The following UTS2B variants were observed in gnomAD, a reference collection of about 807,000 sequenced individuals.
UTS2B encodes the protein urotensin-2B.
UTS2B carries 21 observed loss-of-function variants against 19.2 expected under a neutral mutation model. The ratio of observed to expected loss-of-function variants is 1.09; its 90% CI spans 0.78 to 1.58. UTS2B has a LOEUF of 1.58. UTS2B is among the 40% of genes most tolerant of loss of function. The probability of loss-of-function intolerance (pLI) is 0.00; values close to 1 mark genes in which losing one functional copy is unlikely to be tolerated. For synonymous variants in UTS2B, 57 were observed against 50.2 expected (o/e 1.14, Z -0.58); for missense variants, 138 against 130.3 (o/e 1.06, Z -0.29).
rs1295095128 is a variant in UTS2B, at chr3:191,318,804, T to C, written c.-585-2365A>G. On this transcript the variant is annotated intron_variant, in intron 2 of 8. Coordinates refer to ENST00000340524, the MANE Select transcript of UTS2B (RefSeq NM_198152.5). ...TTTAATTAAGATTTCCCTCCATACA[T>C]AGTTGTTTTTTGTTTTTGTTTTTGT... Among the ~76,000 whole-genome samples the C allele has an allele frequency of 2.0e-5, 3 of 152,190 alleles. No homozygotes were observed. The East Asian group carries it at 5.8e-4, about 29-fold the overall frequency.
chr3:191,302,443 G>A (rs1159005343), intron 4 of UTS2B, among the ~76,000 whole-genome samples: 1 of 152,160 alleles, frequency 6.6e-6, no homozygotes, highest in Non-Finnish European at 1.5e-5. Context: ...AGCCATACTT[G>A]TATTCCTTTA....
In UTS2B at chr3:191,277,932, A is replaced by G. The variant is rs188256438; in HGVS notation, c.202+140T>C. The G allele has an allele frequency of 2.5e-5, 12 of 485,586 alleles. No individual in the cohort carries two copies. In the East Asian group the frequency reaches 4.4e-4, roughly 18 times the overall value. The allele number at this position is 485,586 out of a possible 1,614,324, so 30.1% of individuals were successfully genotyped here. On this transcript the variant is annotated intron_variant, in intron 6 of 8. Transcript: ENST00000340524. ...ATTTAACATAAATATAAAACAAAAA[A>G]ATCACTTAAATCTTTAGTGTAGCAT...
intron 4 of UTS2B, among the ~76,000 whole-genome samples, chr3:191,291,352 A>C (rs1270091134): frequency 6.6e-6 from 1 of 152,142 alleles, no homozygotes; most frequent in Non-Finnish European, 1.5e-5. Context: ...CTTGTTTTTG[A>C]GTACTATAAG....
chr3:191,326,228 T>C (rs953812069), intron 2 of UTS2B, among the ~76,000 whole-genome samples: 5 of 152,218 alleles, frequency 3.3e-5, no homozygotes, highest in African/African-American at 9.6e-5. Context: ...TATTTATTTA[T>C]GCAACAAATA....
chr3:191,327,237 T>G (rs1717767784), intron 2 of UTS2B, among the ~76,000 whole-genome samples: 2 of 152,320 alleles, frequency 1.3e-5, no homozygotes, highest in African/African-American at 2.4e-5. Flanking sequence ...GGCTCGTGCC[T>G]GTAATCCCAG....
At chr3:191,317,682 G>A (rs1454554810) in intron 2 of UTS2B, among the ~76,000 whole-genome samples, 1 of 152,088 alleles carries the variant, frequency 6.6e-6, no homozygotes, top group African/African-American at 2.4e-5. Context: ...TGGTTAATGC[G>A]ATTCTCCTTA....
intron 3 of UTS2B, among the ~76,000 whole-genome samples, chr3:191,311,342 G>A (rs879485405): frequency 6.6e-6 from 1 of 152,164 alleles, no homozygotes; most frequent in Non-Finnish European, 1.5e-5. Flanking sequence ...TCAATCAATA[G>A]GACCTAGGGC....
chr3:191,331,907 G>A (rs1380138698), upstream of UTS2B, among the ~76,000 whole-genome samples: 1 of 152,188 alleles, frequency 6.6e-6, no homozygotes, highest in Non-Finnish European at 1.5e-5. Context: ...AGGGTTAGTA[G>A]TAGTAATTAG....
chr3:191,340,842 C>A, the UTS2B span, among the ~76,000 whole-genome samples: 1,325 of 152,194 alleles, frequency 8.7e-3, 21 homozygotes, highest in African/African-American at 0.03. Context: ...GATTCTATTT[C>A]TTTTTCTTCT....
At chr3:191,268,759 T>C (rs1716009902) in intron 8 of UTS2B, among the ~76,000 whole-genome samples, 1 of 152,208 alleles carries the variant, frequency 6.6e-6, no homozygotes, top group African/African-American at 2.4e-5. Context: ...TTATAATACA[T>C]ATAATACAGT....
intron 8 of UTS2B, among the ~76,000 whole-genome samples, chr3:191,270,313 C>G (rs964128412): frequency 3.0e-4 from 46 of 152,160 alleles, no homozygotes; most frequent in African/African-American, 1.1e-3. Flanking sequence ...CCTCCAGTCT[C>G]AATCTCATGA....
At chr3:191,269,268 T>C (rs1716023243) in intron 8 of UTS2B, among the ~76,000 whole-genome samples, 1 of 152,186 alleles carries the variant, frequency 6.6e-6, no homozygotes, top group South Asian at 2.1e-4. Flanking sequence ...AAATGAATGA[T>C]AAATTTCTAT....
At chr3:191,329,793 G>C (rs1290050266) in intron 1 of UTS2B, 3 of 1,532,266 alleles carry the variant, frequency 2.0e-6, no homozygotes, top group Non-Finnish European at 2.7e-6. Flanking sequence ...CAGGTCAGGG[G>C]CGTTGCCATT....
intron 8 of UTS2B, 22 bp from the exon 9 acceptor site, chr3:191,268,463 A>AT: frequency 2.0e-6 from 3 of 1,511,754 alleles, no homozygotes; most frequent in East Asian, 2.3e-5. Context: ...AACAAAATAC[A>AT]TTTTTTATTA....
In UTS2B at chr3:191,275,288, C is replaced by T. The variant is rs766158669; in HGVS notation, c.298G>A (p.Val100Ile). The T allele has an allele frequency of 5.6e-6, 9 of 1,613,508 alleles. No homozygotes were observed. In the African/African-American group the frequency reaches 1.1e-4, roughly 19 times the overall value. ...EEKDSETSYA[V>I]DGLFSSHPSK... ...GGATGAGAAGAGAATAGACCATCTA[C>T]AGCATAGGACGTCTCAGAATCCTTC... Residue 100 changes from valine (V) to isoleucine (I), a missense_variant, in exon 8 of 9, where the codon GTA becomes ATA. Coordinates refer to ENST00000340524, the MANE Select transcript of UTS2B (RefSeq NM_198152.5).
intron 3 of UTS2B, among the ~76,000 whole-genome samples, chr3:191,311,429 TTC>T (rs367598836): frequency 2.0e-5 from 3 of 152,154 alleles, no homozygotes; most frequent in Non-Finnish European, 4.4e-5. Context: ...TGATATCTCT[TTC>T]TCTCTCTCTC....
intron 1 of UTS2B, chr3:191,329,183 G>C (rs1163938641): frequency 6.4e-6 from 1 of 157,182 alleles, no homozygotes; most frequent in Admixed American, 6.5e-5. Flanking sequence ...TAGGAGGGGG[G>C]CAGGGCCCGG....
chr3:191,295,328 T>G (rs898435125), intron 4 of UTS2B, among the ~76,000 whole-genome samples: 1 of 152,006 alleles, frequency 6.6e-6, no homozygotes, highest in Admixed American at 6.5e-5. Flanking sequence ...CTCATTTTCC[T>G]GGGTATCTCT....
chr3:191,275,780 A>G (rs1427452721), intron 7 of UTS2B, among the ~76,000 whole-genome samples: 1 of 152,110 alleles, frequency 6.6e-6, no homozygotes, highest in African/African-American at 2.4e-5. Context: ...TGGATGAAAG[A>G]AAGGAAGAGA....
Sources: gnomAD v4.1 joint callset for allele counts (sites outside exome capture counted in the v4.1 genomes callset) on GRCh38, gnomAD v4.1.1 for gene constraint, MANE v1.5 for transcripts, NCBI Gene and HGNC (gene_info 2026-07-23, HGNC 2026-07-21) for gene names.